The following FAAP20 variants were observed in gnomAD, a reference collection of about 807,000 sequenced individuals.
FAAP20 encodes the protein FA core complex associated protein 20, also known as Fanconi anemia core complex-associated protein 20.
FAAP20 carries 12 observed loss-of-function variants against 16.2 expected under a neutral mutation model. The ratio of observed to expected loss-of-function variants is 0.74; its 90% CI spans 0.48 to 1.20. FAAP20 has a LOEUF of 1.20. Among genes scored for constraint, FAAP20 ranks in the 50% most tolerant of loss-of-function variants. The pLI, the probability that FAAP20 is intolerant of heterozygous loss-of-function variation, is 0.00. For missense variants in FAAP20, 288 were observed against 245.8 expected, an observed-to-expected ratio of 1.17 and a Z score of -1.15; for synonymous variants, 141 against 110.7, an observed-to-expected ratio of 1.27 and a Z score of -1.72.
upstream of FAAP20, among the ~76,000 whole-genome samples, chr1:2,195,962 AG>A (rs1165744919): frequency 6.6e-6 from 1 of 152,084 alleles, no homozygotes; most frequent in Non-Finnish European, 1.5e-5. Flanking sequence ...CTGCCCGGGC[AG>A]GGGGAGGGGG....
At chr1:2,203,706 C>T (rs1023529205), upstream of FAAP20, 2 of 945,236 alleles carry the variant, frequency 2.1e-6, no homozygotes, top group Admixed American at 1.2e-4. Flanking sequence ...ATCCCCTGTT[C>T]CTTGAGCGGT....
downstream of FAAP20, among the ~76,000 whole-genome samples, chr1:2,209,652 G>A (rs1689382980): frequency 6.6e-6 from 1 of 152,088 alleles, no homozygotes; most frequent in African/African-American, 2.4e-5. Context: ...GAGCCAACAG[G>A]GGGAGGGCAG....
downstream of FAAP20, chr1:2,184,583 CT>C: frequency 6.2e-7 from 1 of 1,613,146 alleles, no homozygotes; most frequent in Non-Finnish European, 8.5e-7. Flanking sequence ...TTTTTCCAAG[CT>C]GGAGAAGAAG....
chr1:2,186,009 A>C, downstream of FAAP20: 1 of 422,114 alleles, frequency 2.4e-6, no homozygotes, highest in East Asian at 7.4e-5. Flanking sequence ...CCCACCCCTC[A>C]GGTGAAGGCA....
Position 2,193,505 on chromosome 1 carries a change from C to A in FAAP20, c.470+134G>T, listed in dbSNP as rs557015145. 8.7e-5 allele frequency: 120 copies of A among 1,380,498 alleles called. No homozygotes were observed. In the Middle Eastern group the frequency reaches 1.9e-3, roughly 22 times the overall value. The allele number at this position is 1,380,498 out of a possible 1,614,324, so 85.5% of individuals were successfully genotyped here. ...CACCTGGACATGCCAGGCCACAGCA[C>A]TGGGCCACCTTTCCAGTGTGAAACA... On this transcript the variant is annotated intron_variant, in intron 3 of 3. Transcript: ENST00000378546.
chr1:2,193,472 CAGAG>C, intron 3 of FAAP20, 163 bp downstream of exon 3: 1 of 1,128,322 alleles, frequency 8.9e-7, no homozygotes, highest in East Asian at 2.6e-5. Context: ...AGACCCGTGA[CAGAG>C]AGCCACCTGG....
upstream of FAAP20, among the ~76,000 whole-genome samples, chr1:2,204,305 T>A (rs1303792345): frequency 6.6e-6 from 1 of 152,226 alleles, no homozygotes; most frequent in East Asian, 1.9e-4. Flanking sequence ...TCCTGGCACA[T>A]CCTGAATGGA....
At chr1:2,185,799 C>G (rs562214108), downstream of FAAP20, among the ~76,000 whole-genome samples, 1 of 152,238 alleles carries the variant, frequency 6.6e-6, no homozygotes, top group South Asian at 2.1e-4. Context: ...CACGATGCCT[C>G]GTGCGACGCA....
chr1:2,193,565 C>A, intron 3 of FAAP20, 74 bp downstream of exon 3: 4 of 1,561,468 alleles, frequency 2.6e-6, no homozygotes, highest in Non-Finnish European at 3.4e-6. Flanking sequence ...TCGGCCACCT[C>A]TTGACCTTCT....
intron 3 of FAAP20, chr1:2,191,995 C>A: frequency 1.0e-6 from 1 of 985,498 alleles, no homozygotes; most frequent in Non-Finnish European, 1.2e-6. Context: ...CGGAGAACAC[C>A]AAGGCTGTGA....
At chr1:2,199,641 C>A, upstream of FAAP20, 5 of 985,640 alleles carry the variant, frequency 5.1e-6, no homozygotes, top group Non-Finnish European at 6.0e-6. This position sits in a 1 kb window ranked among gnomAD's most constrained non-coding sequence, Gnocchi z 4.5. Flanking sequence ...GGTTGAGCAG[C>A]GTCTCCGAAG....
At chr1:2,195,617 C>T (rs1444742141), upstream of FAAP20, among the ~76,000 whole-genome samples, 5 of 152,242 alleles carry the variant, frequency 3.3e-5, no homozygotes, top group Non-Finnish European at 7.3e-5. Flanking sequence ...CTGCAGGGCT[C>T]CCTGGCTGTT....
At chr1:2,193,199 T>G in intron 3 of FAAP20, 2 of 318,288 alleles carry the variant, frequency 6.3e-6, no homozygotes, top group Non-Finnish European at 1.2e-5. Context: ...CATTCCCCTT[T>G]ACTTAAAAAA....
chr1:2,201,589 C>T (rs189127422), upstream of FAAP20, among the ~76,000 whole-genome samples: 5 of 152,224 alleles, frequency 3.3e-5, no homozygotes, highest in Admixed American at 3.3e-4. Context: ...GGGCGTGGTG[C>T]CGTGCGCCCA....
At chr1:2,198,754 C>T (rs1349870487), upstream of FAAP20, 1 of 1,287,200 alleles carries the variant, frequency 7.8e-7, no homozygotes, top group Non-Finnish European at 1.0e-6. Flanking sequence ...CAGTGCTCAC[C>T]TGCTGGCAAG....
intron 3 of FAAP20, chr1:2,192,191 G>A (rs1688305355): frequency 1.0e-6 from 1 of 985,686 alleles, no homozygotes. Context: ...GGGCATCCCA[G>A]GGTGGCTGTG....
At chr1:2,189,830 C>CCGCA in intron 3 of FAAP20, 49 bp from the exon 4 acceptor site, 1 of 1,403,936 alleles carries the variant, frequency 7.1e-7, no homozygotes, top group Non-Finnish European at 1.0e-6. Flanking sequence ...GGCATGCTGG[C>CCGCA]CGCAGAGAGC....
At chr1:2,198,611 G>A, upstream of FAAP20, 1 of 1,142,156 alleles carries the variant, frequency 8.8e-7, no homozygotes, top group Non-Finnish European at 1.1e-6. Context: ...GCAGCCCGGT[G>A]GCCGTGCACC....
rs377342456 is a variant in FAAP20 at position 2,193,722 on chromosome 1, G to A, written c.387C>T (p.Ala129=). 11 of 1,589,752 alleles carry A rather than the reference G, an allele frequency of 6.9e-6. No homozygotes were observed. The highest frequency in any genetic ancestry group is 1.4e-5 in the African/African-American group (1 of 73,282). Residue 129 remains alanine (A), a synonymous_variant, in exon 3 of 4, where the codon GCC becomes GCT. Coordinates refer to ENST00000378546, the MANE Select transcript of FAAP20 (RefSeq NM_182533.4). The part of the protein sequence containing the change: ...PQRPAPDPCR[A]PRVEQQPSVE... ...CAGACGGCTGCTGCTCCACCCTGGG[G>A]GCCCTGCAGGGATCAGGTGCCGGGC... is the stretch of plus-strand genomic sequence containing the variant.
Sources: allele counts gnomAD v4.1 joint callset (sites outside exome capture counted in the v4.1 genomes callset), GRCh38; gene constraint gnomAD v4.1.1; non-coding constraint Gnocchi (gnomAD v3.1); transcripts MANE v1.5; gene names NCBI Gene and HGNC (gene_info 2026-07-23, HGNC 2026-07-21).